STARD13: variants seen among roughly 807,000 people sequenced by gnomAD.
STARD13 encodes the protein stAR-related lipid transfer protein 13.
In STARD13, 62 loss-of-function variants were observed where a neutral mutation model predicts 106.4. That is an observed-to-expected ratio of 0.58 (90% CI 0.48 to 0.72). The LOEUF is 0.72. Among genes scored for constraint, STARD13 ranks in the 30% least tolerant of loss-of-function variants. STARD13 has a pLI of 0.00. For synonymous variants in STARD13, 565 were observed against 553.0 expected (o/e 1.02, Z -0.31); for missense variants, 1,387 against 1,424.0 (o/e 0.97, Z 0.42).
intron 1 of STARD13, among the ~76,000 whole-genome samples, chr13:33,223,108 A>G (rs1178722397): frequency 2.0e-5 from 3 of 152,238 alleles, no homozygotes; most frequent in African/African-American, 7.2e-5. Context: ...TCAGCTGAAC[A>G]ACTTTGGTGG....
At chr13:33,609,714 C>T in the STARD13 span, among the ~76,000 whole-genome samples, 2 of 151,870 alleles carry the variant, frequency 1.3e-5, no homozygotes, top group Non-Finnish European at 2.9e-5. Flanking sequence ...TTACAGGCAC[C>T]CACCACCACG....
At chr13:33,481,497 G>A in the STARD13 span, among the ~76,000 whole-genome samples, 3 of 152,020 alleles carry the variant, frequency 2.0e-5, no homozygotes, top group South Asian at 2.1e-4. Context: ...GAGGATAAAG[G>A]AATATGTTAA....
chr13:33,154,643 T>TTTC (rs1881730658), intron 3 of STARD13, among the ~76,000 whole-genome samples: 2 of 152,216 alleles, frequency 1.3e-5, no homozygotes, highest in South Asian at 4.1e-4. Flanking sequence ...AAGTCCAGGT[T>TTTC]TTCTTGGACC....
At chr13:33,326,056 C>T (rs566933583) in intron 1 of STARD13, among the ~76,000 whole-genome samples, 33 of 147,856 alleles carry the variant, frequency 2.2e-4, no homozygotes, top group African/African-American at 7.0e-4. Flanking sequence ...ACCGGTGAAA[C>T]GTGCAGAGGT....
At chr13:33,435,131 T>C in the STARD13 span, among the ~76,000 whole-genome samples, 2 of 152,118 alleles carry the variant, frequency 1.3e-5, no homozygotes, top group Non-Finnish European at 2.9e-5. Context: ...TCACCTGAAA[T>C]CTTAAGGCCA....
chr13:33,170,049 C>CA (rs61561776), intron 1 of STARD13, among the ~76,000 whole-genome samples: 1 of 151,438 alleles, frequency 6.6e-6, no homozygotes, highest in South Asian at 2.1e-4. Context: ...TTAATGGGTA[C>CA]AAAAAAAAAT....
the STARD13 span, among the ~76,000 whole-genome samples, chr13:33,512,782 A>C: frequency 1.3e-5 from 2 of 152,060 alleles, no homozygotes; most frequent in Non-Finnish European, 2.9e-5. Context: ...TTTTCACTCT[A>C]ACCATAGCTT....
intron 1 of STARD13, among the ~76,000 whole-genome samples, chr13:33,186,552 G>C (rs576513820): frequency 1.3e-4 from 19 of 151,952 alleles, no homozygotes; most frequent in Non-Finnish European, 2.5e-4. Flanking sequence ...CCTTTTCCTC[G>C]GTACGAAAAC....
chr13:33,674,213 A>G, the STARD13 span, among the ~76,000 whole-genome samples: 2 of 152,196 alleles, frequency 1.3e-5, no homozygotes, highest in Admixed American at 1.3e-4. Context: ...TTTAAAATAC[A>G]ACGGTCTAAT....
At chr13:33,522,583 C>T in the STARD13 span, among the ~76,000 whole-genome samples, 1 of 152,160 alleles carries the variant, frequency 6.6e-6, no homozygotes, top group African/African-American at 2.4e-5. Context: ...GGATTTTTTA[C>T]TGTCTTCTTA....
the STARD13 span, among the ~76,000 whole-genome samples, chr13:33,519,272 C>CTTTCTTTCTTTT: frequency 8.1e-6 from 1 of 123,254 alleles, no homozygotes; most frequent in Non-Finnish European, 1.8e-5. Flanking sequence ...TTCTTTCTTT[C>CTTTCTTTCTTTT]TTTTCTTTCT....
chr13:33,131,473 C>A (rs1241377661), intron 4 of STARD13, among the ~76,000 whole-genome samples: 1 of 151,724 alleles, frequency 6.6e-6, no homozygotes, highest in Non-Finnish European at 1.5e-5. Flanking sequence ...TGCTTGAAAG[C>A]CTCCACTCTC....
the STARD13 span, among the ~76,000 whole-genome samples, chr13:33,571,474 T>C: frequency 1.3e-5 from 2 of 152,194 alleles, no homozygotes; most frequent in Non-Finnish European, 2.9e-5. Context: ...CCTTATGCTA[T>C]ATATTAGTTA....
the STARD13 span, among the ~76,000 whole-genome samples, chr13:33,459,674 T>G: frequency 1.6e-4 from 24 of 152,240 alleles, no homozygotes; most frequent in African/African-American, 5.3e-4. Context: ...GCTGTGCAGA[T>G]TCGTGCTTCC....
chr13:33,491,102 G>T, the STARD13 span, among the ~76,000 whole-genome samples: 1 of 152,214 alleles, frequency 6.6e-6, no homozygotes, highest in Non-Finnish European at 1.5e-5. Flanking sequence ...ATGTGCCAGT[G>T]GTAGATGGGC....
chr13:33,529,645 G>A, the STARD13 span, among the ~76,000 whole-genome samples: 3 of 152,142 alleles, frequency 2.0e-5, no homozygotes, highest in East Asian at 3.9e-4. Context: ...TTAAGCCAAA[G>A]TATGTACAAA....
chr13:33,654,257 G>A, the STARD13 span, among the ~76,000 whole-genome samples: 1 of 152,132 alleles, frequency 6.6e-6, no homozygotes, highest in Admixed American at 6.5e-5. Context: ...CTGATGAATT[G>A]ACAAATAGAA....
At chr13:33,456,330 C>G in the STARD13 span, among the ~76,000 whole-genome samples, 6 of 152,152 alleles carry the variant, frequency 3.9e-5, no homozygotes, top group Non-Finnish European at 8.8e-5. Context: ...GCTAGGATTA[C>G]AGGCGTGAGC....
chr13:33,342,941 T>C (rs990994616), intron 1 of STARD13, among the ~76,000 whole-genome samples: 2 of 152,246 alleles, frequency 1.3e-5, no homozygotes, highest in Non-Finnish European at 2.9e-5. Flanking sequence ...CCTTGGCCCC[T>C]TCCCCTTATC....
Sources: allele counts gnomAD v4.1 joint callset (sites outside exome capture counted in the v4.1 genomes callset), GRCh38; gene constraint gnomAD v4.1.1; transcripts MANE v1.5; gene names NCBI Gene and HGNC (gene_info 2026-07-23, HGNC 2026-07-21).